Variants in PRKCH observed in about 807,000 individuals in gnomAD.
PRKCH encodes the protein protein kinase C eta.
In PRKCH, 28 loss-of-function variants were observed where a neutral mutation model predicts 82.5. That is an observed-to-expected ratio of 0.34 (90% CI 0.25 to 0.47). The LOEUF is 0.47. Among genes scored for constraint, PRKCH ranks in the 20% least tolerant of loss-of-function variants. PRKCH has a pLI of 1.00. For synonymous variants in PRKCH, 322 were observed against 327.4 expected, an observed-to-expected ratio of 0.98 and a Z score of 0.18; for missense variants, 705 against 881.8, an observed-to-expected ratio of 0.80 and a Z score of 2.54.
chr14:61,232,713 T>C (rs1231235403), intron 1 of PRKCH, among the ~76,000 whole-genome samples: 1 of 152,206 alleles, frequency 6.6e-6, no homozygotes, highest in African/African-American at 2.4e-5. Flanking sequence ...TTCTGAAAGC[T>C]TCATTACATA....
At chr14:61,545,752 G>A (rs1006049423) in intron 12 of PRKCH, among the ~76,000 whole-genome samples, 57 of 152,166 alleles carry the variant, frequency 3.7e-4, no homozygotes, top group African/African-American at 9.2e-4. Context: ...TTTAGAGGAC[G>A]GACGGTCGTG....
chr14:61,370,422 T>C (rs951752967), intron 1 of PRKCH, among the ~76,000 whole-genome samples: 1 of 151,990 alleles, frequency 6.6e-6, no homozygotes, highest in Non-Finnish European at 1.5e-5. Flanking sequence ...TTGCTAGGCC[T>C]GGGGGTGGGG....
intron 1 of PRKCH, among the ~76,000 whole-genome samples, chr14:61,383,170 A>G (rs2046536249): frequency 6.6e-6 from 1 of 152,158 alleles, no homozygotes; most frequent in Admixed American, 6.5e-5. Flanking sequence ...TCCATATGTC[A>G]CCGGTATTCC....
intron 9 of PRKCH, among the ~76,000 whole-genome samples, chr14:61,459,294 A>G (rs1014422081): frequency 3.3e-5 from 5 of 152,358 alleles, no homozygotes; most frequent in African/African-American, 9.6e-5. Flanking sequence ...GAGGCTGGCA[A>G]TACACCTCTA....
intron 10 of PRKCH, among the ~76,000 whole-genome samples, chr14:61,500,424 C>G (rs925082587): frequency 6.6e-6 from 1 of 152,020 alleles, no homozygotes; most frequent in Non-Finnish European, 1.5e-5. Flanking sequence ...TCTCAAACTC[C>G]TGGGCTCAAG....
chr14:61,276,756 A>C (rs1262888372), intron 1 of PRKCH, among the ~76,000 whole-genome samples: 2 of 152,208 alleles, frequency 1.3e-5, no homozygotes, highest in African/African-American at 4.8e-5. Flanking sequence ...AGAGTTACTC[A>C]AGATTGTTGA....
At chr14:61,490,119 G>A (rs1328191052) in intron 10 of PRKCH, among the ~76,000 whole-genome samples, 1 of 152,160 alleles carries the variant, frequency 6.6e-6, no homozygotes, top group African/African-American at 2.4e-5. Context: ...TTGGCATGCT[G>A]GGTGCACGGT....
chr14:61,283,469 T>C (rs1566806764), intron 1 of PRKCH, among the ~76,000 whole-genome samples: 1 of 152,180 alleles, frequency 6.6e-6, no homozygotes, highest in African/African-American at 2.4e-5. Flanking sequence ...GTGGCAGGAA[T>C]GAGGTTACCA....
At chr14:61,201,865 A>G (rs1280229869) in intron 1 of PRKCH, among the ~76,000 whole-genome samples, 6 of 147,232 alleles carry the variant, frequency 4.1e-5, no homozygotes, top group African/African-American at 1.5e-4. Context: ...GACTACCAGG[A>G]AAAAAAAACT....
At chr14:61,230,955 AT>A (rs1176203467) in intron 1 of PRKCH, among the ~76,000 whole-genome samples, 1 of 152,254 alleles carries the variant, frequency 6.6e-6, no homozygotes, top group African/African-American at 2.4e-5. Flanking sequence ...TCCACCATCA[AT>A]TTAATTTAGT....
At chr14:61,345,273 C>A (rs965172678) in intron 1 of PRKCH, among the ~76,000 whole-genome samples, 1 of 152,148 alleles carries the variant, frequency 6.6e-6, no homozygotes, top group Non-Finnish European at 1.5e-5. Context: ...CTTTTGTCAG[C>A]CTCTTCATGG....
At chr14:61,372,301 A>G (rs1057140164) in intron 1 of PRKCH, among the ~76,000 whole-genome samples, 1 of 152,108 alleles carries the variant, frequency 6.6e-6, no homozygotes, top group African/African-American at 2.4e-5. Flanking sequence ...AGCTGACGGA[A>G]CAGAGAAATA....
rs534811172 is a variant in PRKCH at position 61,271,787 on chromosome 14, T to A, written c.-19+84119T>A. 7.2e-5 allele frequency among the ~76,000 whole-genome samples: 11 copies of A among 152,372 alleles called. No homozygotes were observed. The South Asian group carries it at 2.3e-3, about 32-fold the overall frequency. On this transcript the variant is annotated intron_variant, in intron 1 of 3. Coordinates refer to the PRKCH transcript ENST00000555185. ...TTGTTTTGTCACTGCTGACTTTGAA[T>A]AGCCAGGGAGCTTCTGAAGTCACAC...
intron 1 of PRKCH, among the ~76,000 whole-genome samples, chr14:61,203,518 C>T (rs1363044949): frequency 6.6e-5 from 10 of 151,996 alleles, no homozygotes; most frequent in Admixed American, 3.9e-4. Flanking sequence ...AATTGCAGAG[C>T]GATTATGAAC....
At chr14:61,438,091 T>C (rs996240583) in intron 2 of PRKCH, among the ~76,000 whole-genome samples, 1 of 152,136 alleles carries the variant, frequency 6.6e-6, no homozygotes, top group Non-Finnish European at 1.5e-5. Context: ...GAACATATCC[T>C]TTATGTTCTA....
chr14:61,488,173 A>G (rs934947155), intron 10 of PRKCH, among the ~76,000 whole-genome samples: 23 of 150,976 alleles, frequency 1.5e-4, no homozygotes, highest in Non-Finnish European at 7.4e-5. Context: ...AAAGAAAAAA[A>G]TTCGGCAGGC....
intron 1 of PRKCH, among the ~76,000 whole-genome samples, chr14:61,309,855 C>T (rs373620863): frequency 2.0e-5 from 3 of 152,276 alleles, no homozygotes; most frequent in Admixed American, 6.5e-5. Flanking sequence ...TTAATTGACT[C>T]GCAGTTCCAT....
intron 1 of PRKCH, among the ~76,000 whole-genome samples, chr14:61,348,263 G>C (rs1411080730): frequency 6.6e-6 from 1 of 152,176 alleles, no homozygotes; most frequent in Non-Finnish European, 1.5e-5. Context: ...TTCCACATGA[G>C]TCGTCAGTGG....
At chr14:61,294,823 G>C (rs2045393064) in intron 1 of PRKCH, among the ~76,000 whole-genome samples, 1 of 152,066 alleles carries the variant, frequency 6.6e-6, no homozygotes, top group Admixed American at 6.6e-5. Flanking sequence ...TCTCTTAGTG[G>C]TCAGGCTACC....
Sources: allele counts gnomAD v4.1 joint callset (sites outside exome capture counted in the v4.1 genomes callset), GRCh38; gene constraint gnomAD v4.1.1; transcripts MANE v1.5; gene names NCBI Gene and HGNC (gene_info 2026-07-23, HGNC 2026-07-21).